The following UST variants were observed in gnomAD, a reference collection of about 807,000 sequenced individuals.
UST encodes chondroitin sulfate 2-O-sulfotransferase.
Under a neutral mutation model 45.6 loss-of-function variants are expected in UST, and 21 were observed. The observed-to-expected ratio is 0.46, with a 90% CI of 0.33 to 0.66. The LOEUF is 0.66. UST is among the 30% of genes least tolerant of loss of function. The pLI, the probability that UST is intolerant of heterozygous loss-of-function variation, is 0.02. For synonymous variants in UST, 215 were observed against 200.6 expected (o/e 1.07, Z -0.61); for missense variants, 463 against 512.4 (o/e 0.90, Z 0.93).
chr6:148,992,510 C>T (rs994466948), intron 5 of UST, among the ~76,000 whole-genome samples: 2 of 152,136 alleles, frequency 1.3e-5, no homozygotes, highest in African/African-American at 4.8e-5. Context: ...AGAGTCCTGC[C>T]GGGGGTCTGT....
At chr6:148,803,163 C>G (rs1210580121) in intron 1 of UST, among the ~76,000 whole-genome samples, 1 of 152,018 alleles carries the variant, frequency 6.6e-6, no homozygotes, top group Non-Finnish European at 1.5e-5. Flanking sequence ...TATTTTCTGC[C>G]AAAGAAGCCT....
chr6:148,780,311 G>T (rs574611941), intron 1 of UST, among the ~76,000 whole-genome samples: 33 of 152,106 alleles, frequency 2.2e-4, no homozygotes, highest in African/African-American at 7.7e-4. Context: ...AGGTCCAGAG[G>T]TACATGTGCA....
At chr6:148,765,141 T>G (rs1209940945) in intron 1 of UST, among the ~76,000 whole-genome samples, 1 of 152,224 alleles carries the variant, frequency 6.6e-6, no homozygotes, top group Non-Finnish European at 1.5e-5. Flanking sequence ...TGAAAATCGC[T>G]GTTATCCTGT....
At chr6:148,914,097 T>A (rs1361611756) in intron 2 of UST, among the ~76,000 whole-genome samples, 1 of 152,194 alleles carries the variant, frequency 6.6e-6, no homozygotes, top group Non-Finnish European at 1.5e-5. Context: ...CCTCCAGAAC[T>A]ATGGGAAATA....
intron 5 of UST, among the ~76,000 whole-genome samples, chr6:148,984,516 G>A (rs1258536937): frequency 1.3e-5 from 2 of 152,214 alleles, no homozygotes; most frequent in Non-Finnish European, 2.9e-5. Context: ...GATAGGATTT[G>A]CATTTATTTA....
rs549641479 is a variant in UST, at chr6:148,749,129, T to C, written c.247+1452T>C. ...GGGGAACTACAGATTACAGGAAAAGTTGGCCCAAGTAGATTTCCATAGCAT... is the reference window on the plus strand; with the variant it reads ...GGGGAACTACAGATTACAGGAAAAGCTGGCCCAAGTAGATTTCCATAGCAT... On this transcript the variant is annotated intron_variant, in intron 1 of 7. Transcript: ENST00000367463. Among the ~76,000 whole-genome samples the C allele has an allele frequency of 9.8e-5, 15 of 152,308 alleles. No individual in the cohort carries two copies. The South Asian group carries it at 1.4e-3, about 15-fold the overall frequency.
Position 149,009,948 on chromosome 6 carries a change from C to CTTAG in UST, c.682-9190_682-9187dup, listed in dbSNP as rs1302575212. On this transcript the variant is annotated intron_variant, in intron 5 of 7. Transcript: ENST00000367463. Reference sequence around the variant, plus strand: ...AGGGGAAAATCCTTTATTCTACCATCTTAGATCCAATCATTTAAATTTTTT... The same window carrying CTTAG: ...AGGGGAAAATCCTTTATTCTACCATCTTAGTTAGATCCAATCATTTAAATTTTTT... Among the ~76,000 whole-genome samples, 3 of 151,136 alleles carry CTTAG rather than the reference C, an allele frequency of 2.0e-5. No individual in the cohort carries two copies. In the East Asian group the frequency reaches 5.8e-4, roughly 29 times the overall value.
chr6:148,920,768 TACTC>T (rs1206514805), intron 2 of UST, among the ~76,000 whole-genome samples: 2 of 152,250 alleles, frequency 1.3e-5, no homozygotes, highest in Non-Finnish European at 2.9e-5. Flanking sequence ...AGGCTCAACC[TACTC>T]ACTCGTCTCT....
intron 1 of UST, among the ~76,000 whole-genome samples, chr6:148,798,400 G>A (rs867766764): frequency 3.8e-4 from 58 of 152,288 alleles, no homozygotes; most frequent in Middle Eastern, 6.8e-3. Flanking sequence ...TGTGTTTGGG[G>A]AAGGCTGAGT....
intron 1 of UST, among the ~76,000 whole-genome samples, chr6:148,812,567 AC>A (rs1309456087): frequency 6.6e-6 from 1 of 152,162 alleles, no homozygotes; most frequent in Admixed American, 6.5e-5. Flanking sequence ...TGAGGGCTTC[AC>A]TGGGGCTGGA....
intron 5 of UST, 110 bp from the exon 6 acceptor site, chr6:149,019,029 C>T: frequency 1.2e-6 from 1 of 863,728 alleles, no homozygotes. Flanking sequence ...TCTTCATCTT[C>T]TCAAGGCGTG....
intron 7 of UST, among the ~76,000 whole-genome samples, chr6:149,048,831 A>G (rs1269702428): frequency 6.6e-6 from 1 of 152,238 alleles, no homozygotes; most frequent in Admixed American, 6.5e-5. Context: ...TGAAATTATT[A>G]TTGTCTGTTA....
At chr6:148,900,103 T>C (rs999829107) in intron 2 of UST, among the ~76,000 whole-genome samples, 7 of 152,240 alleles carry the variant, frequency 4.6e-5, no homozygotes, top group African/African-American at 1.2e-4. Flanking sequence ...TACATACTTT[T>C]CTATGATCCC....
chr6:149,049,931 TCACACACACA>T (rs59151398), intron 7 of UST, among the ~76,000 whole-genome samples: 1 of 134,476 alleles, frequency 7.4e-6, no homozygotes, highest in Non-Finnish European at 1.6e-5. Context: ...TCTCTCTCTC[TCACACACACA>T]CACACACACA....
intron 1 of UST, among the ~76,000 whole-genome samples, chr6:148,813,661 T>A (rs2114733472): frequency 6.6e-6 from 1 of 152,302 alleles, no homozygotes; most frequent in South Asian, 2.1e-4. Flanking sequence ...ATTACAGAAG[T>A]GAGCCACCGT....
chr6:148,989,672 A>G lies in UST; in HGVS notation c.681+25109A>G, dbSNP rs148347648. On this transcript the variant is annotated intron_variant, in intron 5 of 7. Coordinates refer to ENST00000367463, the MANE Select transcript of UST (RefSeq NM_005715.3). ...GAGACCTTGTTAAATTAAGGCAATC[A>G]CATTCAGCCTCCCAAGAAGGGAGCC... 2.0e-3 allele frequency among the ~76,000 whole-genome samples: 298 copies of G among 152,348 alleles called. 1 individual carries two copies. Among genetic ancestry groups the G allele is most frequent in the African/African-American group, 6.8e-3 (282 of 41,572 alleles).
chr6:148,768,165 T>C (rs1776354103), intron 1 of UST, among the ~76,000 whole-genome samples: 1 of 152,214 alleles, frequency 6.6e-6, no homozygotes, highest in African/African-American at 2.4e-5. Flanking sequence ...TGCAATCTTT[T>C]AAAAATCCTT....
intron 1 of UST, among the ~76,000 whole-genome samples, chr6:148,774,445 C>G (rs1776491926): frequency 6.6e-6 from 1 of 151,864 alleles, no homozygotes; most frequent in Non-Finnish European, 1.5e-5. Flanking sequence ...AACTGTGAAA[C>G]AAAGGTAATC....
chr6:148,755,681 A>C (rs1287657931), intron 1 of UST, among the ~76,000 whole-genome samples: 2 of 151,446 alleles, frequency 1.3e-5, no homozygotes, highest in African/African-American at 2.4e-5. Context: ...CACATTCCCC[A>C]AAACTGGATT....
Sources: gnomAD v4.1 joint callset for allele counts (sites outside exome capture counted in the v4.1 genomes callset) on GRCh38, gnomAD v4.1.1 for gene constraint, MANE v1.5 for transcripts, NCBI Gene and HGNC (gene_info 2026-07-23, HGNC 2026-07-21) for gene names.